EXD3: variants seen among roughly 807,000 people sequenced by gnomAD.
The protein encoded by EXD3 is exonuclease 3'-5' domain containing 3.
EXD3 carries 92 observed loss-of-function variants against 98.0 expected under a neutral mutation model. The ratio of observed to expected loss-of-function variants is 0.94; its 90% confidence interval spans 0.79 to 1.12. EXD3 has a LOEUF of 1.12. Ranked by LOEUF, EXD3 falls within the 50% of genes most tolerant of loss-of-function variation. EXD3 has a pLI of 0.00. For missense variants in EXD3, 1,222 were observed against 1,191.6 expected, an observed-to-expected ratio of 1.03 and a Z score of -0.38; for synonymous variants, 569 against 526.0, an observed-to-expected ratio of 1.08 and a Z score of -1.12.
intron 19 of EXD3, among the ~76,000 whole-genome samples, chr9:137,314,196 C>G (rs1332000119): frequency 6.6e-6 from 1 of 152,204 alleles, no homozygotes; most frequent in Non-Finnish European, 1.5e-5. Context: ...CCGCCGAGGC[C>G]TGGGTCTGGC....
At chr9:137,336,463 C>T (rs930137713) in intron 17 of EXD3, among the ~76,000 whole-genome samples, 1 of 152,092 alleles carries the variant, frequency 6.6e-6, no homozygotes, top group African/African-American at 2.4e-5. Flanking sequence ...GAGATCGACA[C>T]CAGCCTGGCC....
At chr9:137,329,062 GA>G (rs1389025670) in intron 17 of EXD3, among the ~76,000 whole-genome samples, 11 of 31,176 alleles carry the variant, frequency 3.5e-4, no homozygotes, top group South Asian at 1.5e-3. Flanking sequence ...GGCTACACGG[GA>G]GCTACACGGG....
At chr9:137,339,049 T>C (rs1833518606) in intron 17 of EXD3, among the ~76,000 whole-genome samples, 1 of 152,110 alleles carries the variant, frequency 6.6e-6, no homozygotes, top group African/African-American at 2.4e-5. Context: ...AATCTATACT[T>C]ACATATTTGA....
rs992263257 is a variant in EXD3 at position 137,397,498 on chromosome 9, G to A, written c.-47-2094C>T. On this transcript the variant is annotated intron_variant, in intron 1 of 21. Coordinates refer to ENST00000340951, the MANE Select transcript of EXD3 (RefSeq NM_017820.5). The stretch of plus-strand genomic sequence containing the variant: ...ATGGATAATTCACGAAACTCAGCAC[G>A]TAATAAAAATCACAAGACCTAAAAA... Among the ~76,000 whole-genome samples the A allele has an allele frequency of 4.6e-5, 7 of 152,030 alleles. No individual in the cohort carries two copies. In the South Asian group the frequency reaches 6.2e-4, roughly 14 times the overall value.
intron 1 of EXD3, among the ~76,000 whole-genome samples, chr9:137,410,930 G>C (rs1837967851): frequency 6.6e-6 from 1 of 151,902 alleles, no homozygotes; most frequent in African/African-American, 2.4e-5. Context: ...GAGCCTGGCA[G>C]ACCCCCCAGG....
rs1835583614 is a variant in EXD3, at chr9:137,371,274, C to T, written c.462+1631G>A. ...CAGCGTCGCGCCACATGAGGGGGAC[C>T]CTCCATCCTGCATTGTCCTGTGCCG... On this transcript the variant is annotated intron_variant, in intron 5 of 21. Transcript: ENST00000340951. This position sits in a 1 kb window ranked among gnomAD's most constrained non-coding sequence, Gnocchi z 8.0. 2.0e-5 allele frequency among the ~76,000 whole-genome samples: 3 copies of T among 152,240 alleles called. No individual in the cohort carries two copies. Among genetic ancestry groups the T allele is most frequent in the Admixed American group, 6.5e-5 (1 of 15,290 alleles).
chr9:137,349,629 G>C lies in EXD3; in HGVS notation c.1495-98C>G, dbSNP rs1233168465. On this transcript the variant is annotated intron_variant, in intron 14 of 21. Coordinates refer to ENST00000340951, the MANE Select transcript of EXD3 (RefSeq NM_017820.5). The surrounding 1 kb of genome is among the most constrained non-coding windows in gnomAD (Gnocchi z 7.4). ...CAGCCCTGCGGGGGCTCTGGAGGAG[G>C]CCCCGCCCCCTCCACCAGCGGCCCC... The C allele has an allele frequency of 7.9e-7, 1 of 1,266,250 alleles. No homozygotes were observed. Among genetic ancestry groups the C allele is most frequent in the Non-Finnish European group, 1.0e-6 (1 of 957,812 alleles). The allele number at this position is 1,266,250 out of a possible 1,614,324, so 78.4% of individuals were successfully genotyped here.
chr9:137,350,593 T>G (rs1022568536), intron 14 of EXD3, among the ~76,000 whole-genome samples: 39 of 26,490 alleles, frequency 1.5e-3, no homozygotes, highest in Non-Finnish European at 1.6e-3. Context: ...TAGAGAGGGG[T>G]GGGGATCACG....
At chr9:137,332,849 A>G (rs911257007) in intron 17 of EXD3, among the ~76,000 whole-genome samples, 1 of 152,194 alleles carries the variant, frequency 6.6e-6, no homozygotes, top group African/African-American at 2.4e-5. Context: ...GTCTGTCAAA[A>G]AACAAAAAAC....
chr9:137,369,787 C>T (rs1047616684), intron 5 of EXD3, among the ~76,000 whole-genome samples: 4 of 152,214 alleles, frequency 2.6e-5, no homozygotes, highest in Admixed American at 1.3e-4. Context: ...CCGCACGCTG[C>T]GACCCCGTCA....
At chr9:137,329,278 AG>A (rs1229104327) in intron 17 of EXD3, among the ~76,000 whole-genome samples, 3 of 5,728 alleles carry the variant, frequency 5.2e-4, no homozygotes, top group Non-Finnish European at 7.2e-4. Context: ...GCTACACGGG[AG>A]CTACACGGGG....
At chr9:137,378,872 A>C (rs80199102) in intron 3 of EXD3, among the ~76,000 whole-genome samples, 3 of 120,624 alleles carry the variant, frequency 2.5e-5, no homozygotes, top group Non-Finnish European at 5.4e-5. Context: ...TGAGGGGTAC[A>C]GGGTTTGTGG....
chr9:137,349,241 A>G lies in EXD3; in HGVS notation c.1699T>C (p.Cys567Arg). Residue 567 changes from cysteine (C) to arginine (R), a missense_variant, in exon 16 of 22, where the codon TGC becomes CGC. Transcript: ENST00000340951. This position sits in a 1 kb window ranked among gnomAD's most constrained non-coding sequence, Gnocchi z 7.4. ...AGGTGGAAGCGGGCGGGCTCTCTGC[A>G]CAGGGCTTGGTGCACCTCCAGCAGG... ...YCLLEVHQAL[C>R]REPARFHLSE... 6.3e-7 allele frequency: 1 copy of G among 1,574,826 alleles called. No homozygotes were observed. Among genetic ancestry groups the G allele is most frequent in the Non-Finnish European group, 8.6e-7 (1 of 1,167,100 alleles).
chr9:137,357,744 G>GTA (rs58516378), intron 7 of EXD3, among the ~76,000 whole-genome samples: 94,830 of 146,954 alleles, frequency 0.65, 31,253 homozygotes, highest in South Asian at 0.83. Flanking sequence ...ATATATATGT[G>GTA]TATATATATA....
chr9:137,398,859 A>G (rs1588423444), intron 1 of EXD3, among the ~76,000 whole-genome samples: 3 of 125,034 alleles, frequency 2.4e-5, no homozygotes, highest in Non-Finnish European at 4.9e-5. Context: ...CAAGACACAC[A>G]GGCACCCGCG....
chr9:137,420,238 G>T (rs966861010), intron 1 of EXD3, among the ~76,000 whole-genome samples: 1 of 151,172 alleles, frequency 6.6e-6, no homozygotes, highest in Admixed American at 6.6e-5. Context: ...ATGATTTTTT[G>T]TTGTTATCGA....
At position 137,403,978 on chromosome 9, in the gene EXD3, G is replaced by A. The variant is rs929392554; in HGVS notation, c.-47-8574C>T. 7.9e-5 allele frequency among the ~76,000 whole-genome samples: 12 copies of A among 151,698 alleles called. No homozygotes were observed. In the South Asian group the frequency reaches 1.0e-3, roughly 13 times the overall value. ...GTACAAAGCACCACACACAGGGCGC[G>A]AGTGACAGGGACGTGTGTCCTCACT... On this transcript the variant is annotated intron_variant, in intron 1 of 21. Transcript: ENST00000340951. This position sits in a 1 kb window ranked among gnomAD's most constrained non-coding sequence, Gnocchi z 6.1.
rs1588272509 is a variant in EXD3, at chr9:137,330,051, G to T, written c.1999-5908C>A. Among the ~76,000 whole-genome samples the T allele has an allele frequency of 1.4e-5, 2 of 142,728 alleles. 1 individual carries two copies. The highest frequency in any genetic ancestry group is 4.4e-4 in the East Asian group (2 of 4,500). The allele number at this position is 142,728 out of a possible 152,430, so 93.6% of individuals were successfully genotyped here. On this transcript the variant is annotated intron_variant, in intron 17 of 21. Coordinates refer to ENST00000340951, the MANE Select transcript of EXD3 (RefSeq NM_017820.5). The stretch of plus-strand genomic sequence containing the variant: ...CACAGGACTACACCGGAGCTACACG[G>T]GACTACACAGGAGCTACACAGGAAC...
intron 7 of EXD3, chr9:137,357,278 G>C (rs1484010924): frequency 6.6e-6 from 1 of 152,146 alleles, no homozygotes; most frequent in Non-Finnish European, 1.5e-5. Context: ...GGCTCCTGTG[G>C]GGGCTCCCGT....
Sources: gnomAD v4.1 joint callset for allele counts (sites outside exome capture counted in the v4.1 genomes callset) on GRCh38, gnomAD v4.1.1 for gene constraint, Gnocchi (gnomAD v3.1) non-coding constraint, MANE v1.5 for transcripts, NCBI Gene and HGNC (gene_info 2026-07-23, HGNC 2026-07-21) for gene names.